The following THAP4 variants were observed in gnomAD, a reference collection of about 807,000 sequenced individuals.
THAP4 encodes THAP domain containing 4, also known as peroxynitrite isomerase THAP4.
In THAP4, 18 loss-of-function variants were observed where a neutral mutation model predicts 48.1. The observed-to-expected ratio is 0.37, with a 90% confidence interval of 0.26 to 0.56. The LOEUF is 0.56. Among genes scored for constraint, THAP4 ranks in the 20% least tolerant of loss-of-function variants. The pLI is 0.78. For synonymous variants in THAP4, 345 were observed against 324.9 expected, an observed-to-expected ratio of 1.06 and a Z score of -0.66; for missense variants, 656 against 774.9, an observed-to-expected ratio of 0.85 and a Z score of 1.82.
intron 3 of THAP4, among the ~76,000 whole-genome samples, chr2:241,605,669 A>G (rs2067173398): frequency 6.6e-6 from 1 of 152,180 alleles, no homozygotes; most frequent in South Asian, 2.1e-4. Context: ...GGGTACGTGT[A>G]AAATACAAAC....
intron 2 of THAP4, among the ~76,000 whole-genome samples, chr2:241,627,514 T>A (rs942242000): frequency 6.6e-6 from 1 of 152,222 alleles, no homozygotes; most frequent in Non-Finnish European, 1.5e-5. Flanking sequence ...CACCGGGCAC[T>A]GCCTCTGGAG....
At chr2:241,630,844 G>C (rs2067548938) in intron 2 of THAP4, among the ~76,000 whole-genome samples, 1 of 151,518 alleles carries the variant, frequency 6.6e-6, no homozygotes, top group Non-Finnish European at 1.5e-5. Context: ...TAGCCAACAT[G>C]GTGAAACATC....
chr2:241,625,481 CAAAAA>C (rs67920958), intron 2 of THAP4, among the ~76,000 whole-genome samples: 3 of 88,450 alleles, frequency 3.4e-5, no homozygotes, highest in Non-Finnish European at 4.5e-5. Context: ...GACACTGTCT[CAAAAA>C]AAAAAAAAAA....
intron 3 of THAP4, among the ~76,000 whole-genome samples, chr2:241,606,042 T>A (rs959266411): frequency 6.6e-6 from 1 of 152,232 alleles, no homozygotes; most frequent in African/African-American, 2.4e-5. Flanking sequence ...ATAAATTAAG[T>A]ACATGCATTT....
intron 3 of THAP4, among the ~76,000 whole-genome samples, chr2:241,604,353 C>T (rs1010625073): frequency 1.3e-5 from 2 of 151,966 alleles, no homozygotes; most frequent in Non-Finnish European, 2.9e-5. Flanking sequence ...TGAGTTCAAG[C>T]GATTCTCCTG....
intron 5 of THAP4, among the ~76,000 whole-genome samples, chr2:241,589,225 G>A (rs71430338): frequency 0.3 from 41,185 of 136,168 alleles, 6,640 homozygotes; most frequent in South Asian, 0.43. Context: ...AAAAAAAAAA[G>A]AAAAAGAAAA....
intron 2 of THAP4, among the ~76,000 whole-genome samples, chr2:241,625,731 GT>G (rs2067487868): frequency 7.3e-6 from 1 of 137,778 alleles, no homozygotes. Context: ...CCGGGAGGTG[GT>G]TTTTGCAGTG....
intron 5 of THAP4, among the ~76,000 whole-genome samples, chr2:241,591,329 A>G (rs1310533812): frequency 6.6e-6 from 1 of 152,202 alleles, no homozygotes; most frequent in Non-Finnish European, 1.5e-5. Context: ...CCTGTGGAGC[A>G]CGGGGACTTT....
intron 5 of THAP4, among the ~76,000 whole-genome samples, chr2:241,586,052 G>A (rs1241499869): frequency 3.3e-5 from 5 of 151,232 alleles, no homozygotes; most frequent in South Asian, 2.1e-4. Context: ...TAAGGAGATC[G>A]AGACCATCCT....
intron 2 of THAP4, among the ~76,000 whole-genome samples, chr2:241,629,631 G>A (rs1486373654): frequency 2.6e-5 from 4 of 151,860 alleles, no homozygotes; most frequent in African/African-American, 9.7e-5. Flanking sequence ...AAGACTTTTG[G>A]ATTGAGTTAA....
Position 241,617,000 on chromosome 2 carries a change from C to A in THAP4, c.1241-10527G>T, listed in dbSNP as rs146548588. 1.3e-5 allele frequency among the ~76,000 whole-genome samples: 2 copies of A among 152,298 alleles called. No individual in the cohort carries two copies. Among genetic ancestry groups the A allele is most frequent in the Non-Finnish European group, 2.9e-5 (2 of 68,016 alleles). ...CTCCACCACTTCGGGCCGCGTGGAA[C>A]GTGGCAGCAGCCTAGCCACTGTCCC... On this transcript the variant is annotated intron_variant, in intron 2 of 5. Coordinates refer to ENST00000407315, the MANE Select transcript of THAP4 (RefSeq NM_015963.6). The surrounding 1 kb of genome is among the most constrained non-coding windows in gnomAD (Gnocchi z 4.6).
chr2:241,584,887 C>T (rs1287732078), intron 5 of THAP4, 162 bp from the exon 6 acceptor site: 1 of 825,364 alleles, frequency 1.2e-6, no homozygotes, highest in Non-Finnish European at 1.9e-6. Context: ...CTGGGCATGT[C>T]ACAATCCAGG....
chr2:241,602,293 T>C, intron 4 of THAP4: 1 of 405,670 alleles, frequency 2.5e-6, no homozygotes, highest in Non-Finnish European at 4.5e-6. Context: ...GCACATACAG[T>C]GGCAGAAGTC....
intron 2 of THAP4, among the ~76,000 whole-genome samples, chr2:241,618,555 C>CA (rs1381057740): frequency 3.3e-5 from 5 of 152,056 alleles, no homozygotes; most frequent in Admixed American, 2.0e-4. Flanking sequence ...AAAACAACAG[C>CA]AAAAAACACT....
rs139300115 is a variant in THAP4, at chr2:241,632,902, G to A, written c.1240+15C>T. ...ACGGGAAGGGAACATGGGTACGCGA[G>A]GCTCCGGTACTGACCGCGGCTGGGC... is the stretch of plus-strand genomic sequence containing the variant. On this transcript the variant is annotated intron_variant, in intron 2 of 5. Coordinates refer to ENST00000407315, the MANE Select transcript of THAP4 (RefSeq NM_015963.6). 4.9e-5 allele frequency: 76 copies of A among 1,556,548 alleles called. No homozygotes were observed. In the African/African-American group the frequency reaches 8.3e-4, roughly 17 times the overall value.
intron 5 of THAP4, among the ~76,000 whole-genome samples, chr2:241,597,249 T>G (rs889649832): frequency 4.6e-5 from 7 of 152,158 alleles, no homozygotes; most frequent in African/African-American, 1.7e-4. Context: ...TTCTCCTGCT[T>G]CAGGCTCCCA....
Position 241,602,988 on chromosome 2 carries a change from C to G in THAP4, c.1492G>C (p.Val498Leu). 1 of 1,614,056 alleles carries G rather than the reference C, an allele frequency of 6.2e-7. No homozygotes were observed. The highest frequency in any genetic ancestry group is 8.5e-7 in the Non-Finnish European group (1 of 1,179,920). ...GCCTCACCTGTGTTCTGGGCGCTGACAAAGGCCACCTTGTTGGTGTCGGGC... is the reference window on the plus strand; with the variant it reads ...GCCTCACCTGTGTTCTGGGCGCTGAGAAAGGCCACCTTGTTGGTGTCGGGC... Reference protein sequence around the residue: ...LKPDTNKVAFVSAQNTGVVEV... With the variant: ...LKPDTNKVAFLSAQNTGVVEV... The change falls in exon 4 of 6, where the codon GTC becomes CTC. Residue 498 changes from valine to leucine, a missense_variant. Coordinates refer to ENST00000407315, the MANE Select transcript of THAP4 (RefSeq NM_015963.6).
rs1251314372 is a variant in THAP4, at chr2:241,616,337, G to A, written c.1241-9864C>T. Among the ~76,000 whole-genome samples, 2 of 152,192 alleles carry A rather than the reference G, an allele frequency of 1.3e-5. No homozygotes were observed. The highest frequency in any genetic ancestry group is 2.9e-5 in the Non-Finnish European group (2 of 68,034). The stretch of plus-strand genomic sequence containing the variant: ...GACCCGTGACATCAGTGAGAAGGGC[G>A]GGTGCAGGCGCACGAGAGCTGAGGG... On this transcript the variant is annotated intron_variant, in intron 2 of 5. Transcript: ENST00000407315. The surrounding 1 kb of genome is among the most constrained non-coding windows in gnomAD (Gnocchi z 4.6).
At chr2:241,602,731 T>A (rs897920940) in intron 4 of THAP4, among the ~76,000 whole-genome samples, 5 of 152,140 alleles carry the variant, frequency 3.3e-5, no homozygotes, top group African/African-American at 1.2e-4. Context: ...TGGCACTGGG[T>A]AAACGGGCCC....
Sources: gnomAD v4.1 joint callset for allele counts (sites outside exome capture counted in the v4.1 genomes callset) on GRCh38, gnomAD v4.1.1 for gene constraint, Gnocchi (gnomAD v3.1) non-coding constraint, MANE v1.5 for transcripts, NCBI Gene and HGNC (gene_info 2026-07-23, HGNC 2026-07-21) for gene names.